TBC1D15: variants seen among roughly 807,000 people sequenced by gnomAD.
The protein encoded by TBC1D15 is GAP for RAB7.
A neutral mutation model predicts 95.4 loss-of-function variants in TBC1D15; 39 were observed. That is an observed-to-expected ratio of 0.41 (90% CI 0.32 to 0.53). The LOEUF is 0.53. TBC1D15 is among the 20% of genes least tolerant of loss of function. The probability of loss-of-function intolerance (pLI) is 0.29; values close to 1 mark genes in which losing one functional copy is unlikely to be tolerated. For synonymous variants in TBC1D15, 258 were observed against 261.3 expected (o/e 0.99, Z 0.12); for missense variants, 733 against 794.3 (o/e 0.92, Z 0.93).
intron 10 of TBC1D15, among the ~76,000 whole-genome samples, chr12:71,906,628 T>A (rs1900772339): frequency 7.2e-6 from 1 of 139,010 alleles, no homozygotes; most frequent in East Asian, 2.0e-4. Context: ...GATTAGGTGG[T>A]AGCTTTTTTT....
chr12:71,902,498 A>G (rs1899625359), intron 10 of TBC1D15, among the ~76,000 whole-genome samples: 1 of 152,194 alleles, frequency 6.6e-6, no homozygotes, highest in Non-Finnish European at 1.5e-5. Context: ...CTATTCAATA[A>G]ATGTTCCTGG....
intron 1 of TBC1D15, chr12:71,861,379 T>G (rs1890323106): frequency 7.7e-7 from 1 of 1,301,376 alleles, no homozygotes; most frequent in Admixed American, 3.4e-5. Context: ...GATTCAAACT[T>G]ACTGTACTGT....
intron 5 of TBC1D15, among the ~76,000 whole-genome samples, chr12:71,888,844 C>G (rs201590315): frequency 8.4e-6 from 1 of 118,702 alleles, no homozygotes; most frequent in East Asian, 2.5e-4. Flanking sequence ...ATACATGTTT[C>G]TTTTTTTTTT....
intron 8 of TBC1D15, 51 bp downstream of exon 8, chr12:71,896,126 G>T: frequency 6.8e-7 from 1 of 1,479,934 alleles, no homozygotes; most frequent in South Asian, 1.4e-5. Flanking sequence ...TAGTATTTAG[G>T]GGTTTTGTTG....
At chr12:71,863,914 A>G (rs983596214) in intron 1 of TBC1D15, among the ~76,000 whole-genome samples, 1 of 151,806 alleles carries the variant, frequency 6.6e-6, no homozygotes, top group Non-Finnish European at 1.5e-5. Context: ...CATTCATATC[A>G]TGAATTATTT....
chr12:71,853,958 C>T (rs532174001), intron 1 of TBC1D15, among the ~76,000 whole-genome samples: 1 of 152,336 alleles, frequency 6.6e-6, no homozygotes, highest in Admixed American at 6.5e-5. Context: ...CTGTTCCATA[C>T]TCTGCTGAAT....
At chr12:71,910,469 C>T (rs1379955582) in intron 11 of TBC1D15, among the ~76,000 whole-genome samples, 15 of 151,658 alleles carry the variant, frequency 9.9e-5, no homozygotes, top group East Asian at 3.9e-4. Flanking sequence ...ACCATTTTCA[C>T]GATATTGATT....
chr12:71,869,126 A>C, intron 1 of TBC1D15, among the ~76,000 whole-genome samples: 1 of 152,338 alleles, frequency 6.6e-6, no homozygotes, highest in Non-Finnish European at 1.5e-5. Context: ...GCTAAAATCT[A>C]CTTATTTAAC....
chr12:71,848,753 C>T (rs1565939046), intron 1 of TBC1D15, among the ~76,000 whole-genome samples: 3 of 152,100 alleles, frequency 2.0e-5, no homozygotes, highest in Non-Finnish European at 4.4e-5. Context: ...AAGGTTAATA[C>T]ATAGAGTGCT....
At chr12:71,907,829 A>T (rs1160110916) in intron 11 of TBC1D15, 2 of 152,254 alleles carry the variant, frequency 1.3e-5, no homozygotes, top group African/African-American at 4.8e-5. Context: ...GGGCATGTAG[A>T]ACTTACTCTT....
chr12:71,881,916 CAAAAAA>C (rs35977474), intron 4 of TBC1D15, among the ~76,000 whole-genome samples: 3 of 53,586 alleles, frequency 5.6e-5, no homozygotes, highest in Non-Finnish European at 1.1e-4. Flanking sequence ...GACTCCGTCT[CAAAAAA>C]AAAAAAAAAA....
rs1489784276 is a variant in TBC1D15, at chr12:71,920,863, A to T, written c.1716+16A>T. On this transcript the variant is annotated intron_variant, in intron 15 of 16. Transcript: ENST00000485960. ...AATACTTAAGGTAGTTATTCCTTTA[A>T]TTCAGATTTTAGTGTTCTGGCTTTT... is the stretch of plus-strand genomic sequence containing the variant. 5.1e-6 allele frequency: 8 copies of T among 1,574,958 alleles called. No homozygotes were observed. Among genetic ancestry groups the T allele is most frequent in the Non-Finnish European group, 7.0e-6 (8 of 1,150,100 alleles).
intron 13 of TBC1D15, 42 bp from the exon 14 acceptor site, chr12:71,918,408 AG>A: frequency 8.2e-7 from 1 of 1,216,042 alleles, no homozygotes; most frequent in South Asian, 1.4e-5. Flanking sequence ...TGACATAATT[AG>A]CATAAGAGTA....
chr12:71,923,437 AG>A lies in TBC1D15; in HGVS notation c.*234del. Reference sequence around the variant, plus strand: ...ACATTCCTCAGTATTTTTATAGCCAAGTACATTTTATTTTCTTGCTGATGAA... The same window carrying A: ...ACATTCCTCAGTATTTTTATAGCCAATACATTTTATTTTCTTGCTGATGAA... On this transcript the variant is annotated 3_prime_UTR_variant, in exon 17 of 17. Transcript: ENST00000485960. The A allele has an allele frequency of 2.4e-6, 1 of 417,306 alleles. No homozygotes were observed. The highest frequency in any genetic ancestry group is 4.7e-5 in the South Asian group (1 of 21,178). The allele number at this position is 417,306 out of a possible 1,614,324, so 25.9% of individuals were successfully genotyped here.
At chr12:71,897,997 A>G (rs1358090606) in intron 10 of TBC1D15, 56 bp downstream of exon 10, 19 of 1,323,346 alleles carry the variant, frequency 1.4e-5, no homozygotes, top group South Asian at 9.5e-5. Context: ...TGAAATCTTG[A>G]TAAGAGTAAA....
intron 1 of TBC1D15, among the ~76,000 whole-genome samples, chr12:71,862,969 C>G (rs1241208629): frequency 2.0e-5 from 3 of 152,092 alleles, no homozygotes; most frequent in African/African-American, 7.2e-5. Flanking sequence ...TTATTTCTCC[C>G]TGATTTGTGA....
intron 1 of TBC1D15, among the ~76,000 whole-genome samples, chr12:71,861,088 G>A (rs550974756): frequency 6.6e-6 from 1 of 152,228 alleles, no homozygotes; most frequent in East Asian, 1.9e-4. Context: ...TTTTTAATGT[G>A]CTGCTGGATT....
At chr12:71,886,297 C>A (rs1896211733) in intron 5 of TBC1D15, among the ~76,000 whole-genome samples, 1 of 151,998 alleles carries the variant, frequency 6.6e-6, no homozygotes, top group Non-Finnish European at 1.5e-5. Flanking sequence ...GCCTCCTGAG[C>A]AGCTGGGATT....
chr12:71,874,290 C>A (rs1216723255), intron 3 of TBC1D15, among the ~76,000 whole-genome samples: 2 of 152,162 alleles, frequency 1.3e-5, no homozygotes, highest in Admixed American at 6.5e-5. Context: ...CAAACCATAA[C>A]TGAAGTTGTA....
Sources: allele counts gnomAD v4.1 joint callset (sites outside exome capture counted in the v4.1 genomes callset), GRCh38; gene constraint gnomAD v4.1.1; transcripts MANE v1.5; gene names NCBI Gene and HGNC (gene_info 2026-07-23, HGNC 2026-07-21).